LYPD6: variants seen among roughly 807,000 people sequenced by gnomAD.
LYPD6 encodes the protein LY6/PLAUR domain containing 6, also known as ly6/PLAUR domain-containing protein 6.
A neutral mutation model predicts 22.7 loss-of-function variants in LYPD6; 15 were observed. The ratio of observed to expected loss-of-function variants is 0.66; its 90% CI spans 0.44 to 1.02. The LOEUF (loss-of-function observed/expected upper bound fraction) is 1.02. LYPD6 is among the 50% of genes least tolerant of loss of function. The probability of loss-of-function intolerance (pLI) is 0.00; values close to 1 mark genes in which losing one functional copy is unlikely to be tolerated. For missense variants in LYPD6, 189 were observed against 208.4 expected (o/e 0.91, Z 0.57); for synonymous variants, 72 against 77.5 (o/e 0.93, Z 0.37).
At chr2:149,335,203 G>A (rs1452131371) in intron 1 of LYPD6, among the ~76,000 whole-genome samples, 1 of 151,936 alleles carries the variant, frequency 6.6e-6, no homozygotes, top group Non-Finnish European at 1.5e-5. Flanking sequence ...CCAGAAGAAA[G>A]CATTGTTATC....
chr2:149,330,569 C>T (rs1395404814), upstream of LYPD6: 7 of 151,054 alleles, frequency 4.6e-5, no homozygotes, highest in African/African-American at 1.5e-4. Flanking sequence ...CGCCCCCCGC[C>T]TCTCCCCGCT....
chr2:149,384,714 A>T (rs1013869431), intron 1 of LYPD6, among the ~76,000 whole-genome samples: 11 of 151,878 alleles, frequency 7.2e-5, no homozygotes, highest in Admixed American at 3.9e-4. Flanking sequence ...CTGTTTTTAA[A>T]TTTTTTTTAT....
intron 1 of LYPD6, among the ~76,000 whole-genome samples, chr2:149,348,423 TG>T (rs1214484625): frequency 3.5e-4 from 54 of 152,320 alleles, no homozygotes; most frequent in Non-Finnish European, 5.0e-4. Context: ...TACCTTTAAC[TG>T]TGGTTGTCAT....
At chr2:149,354,346 T>C (rs1271072350) in intron 1 of LYPD6, among the ~76,000 whole-genome samples, 1 of 152,124 alleles carries the variant, frequency 6.6e-6, no homozygotes, top group Non-Finnish European at 1.5e-5. Flanking sequence ...TAGCTGGGAT[T>C]ACAGGTGCAT....
At chr2:149,333,694 G>C (rs1680980183) in intron 1 of LYPD6, among the ~76,000 whole-genome samples, 1 of 152,186 alleles carries the variant, frequency 6.6e-6, no homozygotes, top group Admixed American at 6.5e-5. Context: ...TTACCGTCTG[G>C]TGCCTGAAAT....
chr2:149,336,928 C>CGTGT (rs1553513649), intron 1 of LYPD6, among the ~76,000 whole-genome samples: 2 of 148,450 alleles, frequency 1.3e-5, no homozygotes, highest in Non-Finnish European at 3.0e-5. Flanking sequence ...GTTGAAATAA[C>CGTGT]GTGTGTGTGT....
In LYPD6 at chr2:149,336,665, G is replaced by C. The variant is rs540779217; in HGVS notation, c.-72+5943G>C. Among the ~76,000 whole-genome samples, 27 of 152,284 alleles carry C rather than the reference G, an allele frequency of 1.8e-4. No homozygotes were observed. The South Asian group carries it at 2.1e-3, about 12-fold the overall frequency. On this transcript the variant is annotated intron_variant, in intron 1 of 4. Coordinates refer to ENST00000334166, the MANE Select transcript of LYPD6 (RefSeq NM_194317.5). ...AAATATTAACAGTGACTCTCTCTAAGTAATATGGGATTGGAAGTGATTTTT... is the reference window on the plus strand; with the variant it reads ...AAATATTAACAGTGACTCTCTCTAACTAATATGGGATTGGAAGTGATTTTT...
At chr2:149,468,555 T>C in intron 3 of LYPD6, 90 bp from the exon 4 acceptor site, 5 of 1,450,660 alleles carry the variant, frequency 3.4e-6, no homozygotes, top group South Asian at 2.5e-5. Context: ...AGCTCTTTTC[T>C]GGAATGATAA....
intron 1 of LYPD6, among the ~76,000 whole-genome samples, chr2:149,348,970 A>G (rs1381860849): frequency 1.3e-5 from 2 of 152,148 alleles, no homozygotes; most frequent in African/African-American, 4.8e-5. Flanking sequence ...TAAGTGAGAA[A>G]GCAGTGTCAA....
At chr2:149,481,261 T>G in the LYPD6 span, among the ~76,000 whole-genome samples, 1 of 152,222 alleles carries the variant, frequency 6.6e-6, no homozygotes. Context: ...AAATTGAGGT[T>G]GTGCTTCTGC....
the LYPD6 span, among the ~76,000 whole-genome samples, chr2:149,481,362 C>G: frequency 6.6e-6 from 1 of 152,190 alleles, no homozygotes. Context: ...GCATCTCTTG[C>G]TGGTTGCAAC....
intron 3 of LYPD6, among the ~76,000 whole-genome samples, chr2:149,459,313 G>A (rs1681035392): frequency 1.3e-5 from 2 of 152,178 alleles, no homozygotes; most frequent in African/African-American, 4.8e-5. Flanking sequence ...CTTCAGGAAT[G>A]TGAAGAAATT....
chr2:149,477,622 CAAAAAAAAAAA>C (rs35507967), downstream of LYPD6, among the ~76,000 whole-genome samples: 1 of 62,922 alleles, frequency 1.6e-5, no homozygotes, highest in African/African-American at 7.1e-5. Context: ...AACTGTGTCT[CAAAAAAAAAAA>C]AAAAAAAAAA....
chr2:149,481,528 G>C, the LYPD6 span, among the ~76,000 whole-genome samples: 1 of 152,002 alleles, frequency 6.6e-6, no homozygotes, highest in East Asian at 1.9e-4. Flanking sequence ...AGCATTATTT[G>C]TAATTACAAA....
chr2:149,467,351 T>A (rs898060965), intron 3 of LYPD6, among the ~76,000 whole-genome samples: 1 of 152,256 alleles, frequency 6.6e-6, no homozygotes, highest in East Asian at 1.9e-4. Flanking sequence ...GCATCACCAC[T>A]GGGAAAGTGG....
intron 1 of LYPD6, among the ~76,000 whole-genome samples, chr2:149,349,357 T>C (rs1459534827): frequency 6.6e-6 from 1 of 152,158 alleles, no homozygotes; most frequent in African/African-American, 2.4e-5. Flanking sequence ...TAGGAATTTG[T>C]GGGCTAGAAA....
intron 1 of LYPD6, among the ~76,000 whole-genome samples, chr2:149,372,150 T>A (rs957711301): frequency 6.6e-6 from 1 of 152,186 alleles, no homozygotes; most frequent in Non-Finnish European, 1.5e-5. Flanking sequence ...GCCTTCTTCC[T>A]GGGTGAATAG....
intron 1 of LYPD6, among the ~76,000 whole-genome samples, chr2:149,432,614 C>G (rs1683341451): frequency 6.6e-6 from 1 of 152,140 alleles, no homozygotes; most frequent in African/African-American, 2.4e-5. Flanking sequence ...TGCAGGCCTT[C>G]CTCTTAATCT....
chr2:149,450,344 A>G (rs1034535530), intron 3 of LYPD6, among the ~76,000 whole-genome samples: 3 of 152,114 alleles, frequency 2.0e-5, no homozygotes, highest in Admixed American at 6.5e-5. Flanking sequence ...GTTAAGAATC[A>G]CAGCTCTACA....
Sources: allele counts gnomAD v4.1 joint callset (sites outside exome capture counted in the v4.1 genomes callset), GRCh38; gene constraint gnomAD v4.1.1; transcripts MANE v1.5; gene names NCBI Gene and HGNC (gene_info 2026-07-23, HGNC 2026-07-21).